Variants in EPHB1 observed in about 807,000 individuals in gnomAD.
EPHB1 encodes the protein ephrin type-B receptor 1.
EPHB1 carries 30 observed loss-of-function variants against 94.4 expected under a neutral mutation model. The observed-to-expected ratio is 0.32, with a 90% CI of 0.24 to 0.43. The LOEUF (loss-of-function observed/expected upper bound fraction) is 0.43. EPHB1 is among the 20% of genes least tolerant of loss of function. The pLI is 1.00. For synonymous variants in EPHB1, 522 were observed against 489.1 expected (o/e 1.07, Z -0.89); for missense variants, 1,055 against 1,308.3 (o/e 0.81, Z 2.99).
At chr3:134,869,624 C>G (rs1578154214) in intron 1 of EPHB1, among the ~76,000 whole-genome samples, 1 of 152,164 alleles carries the variant, frequency 6.6e-6, no homozygotes, top group African/African-American at 2.4e-5. Flanking sequence ...CCTCTAGCTT[C>G]TTTTAATAGA....
chr3:135,185,797 C>T (rs1466778702), intron 10 of EPHB1, among the ~76,000 whole-genome samples: 1 of 152,214 alleles, frequency 6.6e-6, no homozygotes, highest in Admixed American at 6.5e-5. Flanking sequence ...GGCATTGCTT[C>T]CGATGGCATT....
chr3:135,074,980 A>G (rs1937858011), intron 3 of EPHB1, among the ~76,000 whole-genome samples: 1 of 152,160 alleles, frequency 6.6e-6, no homozygotes, highest in Non-Finnish European at 1.5e-5. Flanking sequence ...TAATACACCT[A>G]TCATTGCCTG....
At chr3:134,905,452 G>A (rs1282471520) in intron 1 of EPHB1, among the ~76,000 whole-genome samples, 5 of 152,238 alleles carry the variant, frequency 3.3e-5, no homozygotes, top group Non-Finnish European at 7.3e-5. Context: ...ATTACTGACT[G>A]CCCAGCATTG....
intron 12 of EPHB1, among the ~76,000 whole-genome samples, chr3:135,225,325 C>T (rs1276182191): frequency 6.6e-6 from 1 of 152,150 alleles, no homozygotes; most frequent in African/African-American, 2.4e-5. Context: ...CAACAAGGCC[C>T]GATGGGAAGG....
chr3:135,133,401 A>G (rs1559845239), intron 5 of EPHB1, among the ~76,000 whole-genome samples: 2 of 152,198 alleles, frequency 1.3e-5, no homozygotes, highest in Admixed American at 6.5e-5. Context: ...GGACAAACAG[A>G]GGATTGTGTA....
chr3:135,218,031 A>G (rs550839290), intron 12 of EPHB1, among the ~76,000 whole-genome samples: 1 of 152,190 alleles, frequency 6.6e-6, no homozygotes, highest in South Asian at 2.1e-4. Flanking sequence ...CTTCTGATTC[A>G]TGGCCTGCCT....
chr3:135,214,932 CA>C (rs1317121218), intron 12 of EPHB1, among the ~76,000 whole-genome samples: 1 of 152,174 alleles, frequency 6.6e-6, no homozygotes, highest in African/African-American at 2.4e-5. Flanking sequence ...GTTTGGATCA[CA>C]CTATGCTTTA....
chr3:135,056,191 G>T (rs1330060197), intron 3 of EPHB1, among the ~76,000 whole-genome samples: 1 of 152,246 alleles, frequency 6.6e-6, no homozygotes, highest in African/African-American at 2.4e-5. Flanking sequence ...CTTTCTGCCT[G>T]CAAAGCCCCC....
At chr3:134,900,025 G>T (rs1219926620) in intron 1 of EPHB1, among the ~76,000 whole-genome samples, 5 of 152,210 alleles carry the variant, frequency 3.3e-5, no homozygotes, top group African/African-American at 1.2e-4. Flanking sequence ...CACTGTAGGA[G>T]AATGGACTTT....
At chr3:134,811,242 G>GTTTTTTTTTTGTTTTTTTTTTTTT (rs2036169127) in intron 1 of EPHB1, among the ~76,000 whole-genome samples, 1 of 73,850 alleles carries the variant, frequency 1.4e-5, no homozygotes. Flanking sequence ...TACTAAGAAG[G>GTTTTTTTTTTGTTTTTTTTTTTTT]TTTTTTTTTT....
chr3:135,141,884 C>T (rs1016519233), intron 5 of EPHB1, among the ~76,000 whole-genome samples: 4 of 152,138 alleles, frequency 2.6e-5, no homozygotes, highest in East Asian at 1.9e-4. Context: ...GGCCATCTGG[C>T]TTAATAAGCA....
chr3:135,252,260 A>C (rs1040284377), intron 15 of EPHB1, among the ~76,000 whole-genome samples: 1 of 150,938 alleles, frequency 6.6e-6, no homozygotes, highest in Non-Finnish European at 1.5e-5. Flanking sequence ...ACATGTGCAC[A>C]TTGTGCAGGT....
intron 11 of EPHB1, among the ~76,000 whole-genome samples, chr3:135,198,100 C>T (rs903020414): frequency 1.3e-5 from 2 of 152,094 alleles, no homozygotes; most frequent in African/African-American, 4.8e-5. Context: ...GTTAGAAGAC[C>T]CAGATAAGAG....
rs545305644 is a variant in EPHB1 at position 135,133,076 on chromosome 3, G to C, written c.1297+27G>C. 4.5e-6 allele frequency: 7 copies of C among 1,545,212 alleles called. No homozygotes were observed. The Admixed American group carries it at 9.3e-5, about 20-fold the overall frequency. On this transcript the variant is annotated intron_variant, in intron 5 of 15. Coordinates refer to ENST00000398015, the MANE Select transcript of EPHB1 (RefSeq NM_004441.5). The stretch of plus-strand genomic sequence containing the variant: ...TAAGTCTGGAGGCTTCTGTGCTCCT[G>C]TTTGGATGTGTGGCTGGCTCTTTGT...
At chr3:135,198,488 G>A (rs1277981114) in intron 11 of EPHB1, among the ~76,000 whole-genome samples, 1 of 152,158 alleles carries the variant, frequency 6.6e-6, no homozygotes, top group East Asian at 1.9e-4. Flanking sequence ...GCATCATTAG[G>A]TCCCAACCAT....
intron 3 of EPHB1, among the ~76,000 whole-genome samples, chr3:134,994,505 A>G (rs1336555116): frequency 6.6e-6 from 1 of 152,134 alleles, no homozygotes; most frequent in East Asian, 1.9e-4. Context: ...TCCACGAAGG[A>G]CCCTGGAATT....
intron 3 of EPHB1, among the ~76,000 whole-genome samples, chr3:134,958,298 A>G (rs1933359145): frequency 6.6e-6 from 1 of 152,150 alleles, no homozygotes; most frequent in Non-Finnish European, 1.5e-5. Flanking sequence ...CTCTTCTTGG[A>G]AAAAGAGGTT....
chr3:135,128,168 C>T (rs961106507), intron 4 of EPHB1, among the ~76,000 whole-genome samples: 3 of 152,164 alleles, frequency 2.0e-5, no homozygotes, highest in African/African-American at 4.8e-5. Context: ...AGGGCTTTTG[C>T]GGAAGGAGAT....
At chr3:135,149,944 A>T (rs772701620) in intron 5 of EPHB1, among the ~76,000 whole-genome samples, 1 of 152,160 alleles carries the variant, frequency 6.6e-6, no homozygotes, top group East Asian at 1.9e-4. Flanking sequence ...TTGCCTCTGG[A>T]TCACTCTGCC....
Sources: gnomAD v4.1 joint callset for allele counts (sites outside exome capture counted in the v4.1 genomes callset) on GRCh38, gnomAD v4.1.1 for gene constraint, MANE v1.5 for transcripts, NCBI Gene and HGNC (gene_info 2026-07-23, HGNC 2026-07-21) for gene names.